CES5A: variants seen among roughly 807,000 people sequenced by gnomAD.
CES5A encodes the protein carboxylesterase 5A.
A neutral mutation model predicts 62.9 loss-of-function variants in CES5A; 67 were observed. That is an observed-to-expected ratio of 1.07 (90% CI 0.88 to 1.31). The LOEUF (loss-of-function observed/expected upper bound fraction) is 1.31. CES5A is among the 50% of genes most tolerant of loss of function. The pLI, the probability that CES5A is intolerant of heterozygous loss-of-function variation, is 0.00. For synonymous variants in CES5A, 296 were observed against 280.8 expected, an observed-to-expected ratio of 1.05 and a Z score of -0.54; for missense variants, 748 against 708.5, an observed-to-expected ratio of 1.06 and a Z score of -0.63.
At chr16:55,948,860 C>T (rs2034525179) in intron 2 of CES5A, among the ~76,000 whole-genome samples, 1 of 152,084 alleles carries the variant, frequency 6.6e-6, no homozygotes, top group Non-Finnish European at 1.5e-5. Context: ...AGTTTGAGGT[C>T]AGAAATGACT....
intron 2 of CES5A, among the ~76,000 whole-genome samples, chr16:55,941,087 G>T (rs1359559189): frequency 6.6e-6 from 1 of 151,994 alleles, no homozygotes; most frequent in African/African-American, 2.4e-5. Context: ...ATCAGATTGG[G>T]AGAAAGGCAT....
chr16:55,884,685 G>C (rs549586497), intron 1 of CES5A, among the ~76,000 whole-genome samples: 1 of 151,956 alleles, frequency 6.6e-6, no homozygotes, highest in Non-Finnish European at 1.5e-5. Context: ...TCAACCTCCT[G>C]TGCTCAAGTG....
intron 2 of CES5A, 99 bp downstream of exon 2, chr16:55,873,734 A>C: frequency 9.1e-7 from 1 of 1,100,656 alleles, no homozygotes; most frequent in Non-Finnish European, 1.3e-6. Flanking sequence ...CTCCTCCCCC[A>C]TCCATGCCAA....
intron 2 of CES5A, among the ~76,000 whole-genome samples, chr16:55,936,479 G>C (rs1349058664): frequency 2.0e-5 from 3 of 152,176 alleles, no homozygotes; most frequent in Non-Finnish European, 4.4e-5. Flanking sequence ...TGCAAAGTGG[G>C]ATCATCCTAT....
chr16:55,875,408 G>C, upstream of CES5A: 2 of 1,353,004 alleles, frequency 1.5e-6, no homozygotes, highest in Non-Finnish European at 1.9e-6. Context: ...AGACTTTCCT[G>C]TTCTGATTTA....
chr16:55,941,449 A>G (rs562900927), intron 2 of CES5A, among the ~76,000 whole-genome samples: 1 of 152,240 alleles, frequency 6.6e-6, no homozygotes, highest in African/African-American at 2.4e-5. Context: ...AGAAATGCTT[A>G]TGAAAGAGGT....
chr16:55,928,183 C>T (rs968337697), upstream of CES5A, among the ~76,000 whole-genome samples: 3 of 151,894 alleles, frequency 2.0e-5, no homozygotes, highest in Non-Finnish European at 4.4e-5. Context: ...GTGGAGCTTG[C>T]AGTGAGCCAA....
chr16:55,898,315 G>A (rs926564137), intron 1 of CES5A, among the ~76,000 whole-genome samples: 3 of 152,094 alleles, frequency 2.0e-5, no homozygotes, highest in Non-Finnish European at 2.9e-5. Flanking sequence ...TGTCTAGGGT[G>A]GGTAGATCTG....
intron 1 of CES5A, among the ~76,000 whole-genome samples, chr16:55,913,719 A>G (rs370000955): frequency 6.6e-6 from 1 of 152,160 alleles, no homozygotes; most frequent in Non-Finnish European, 1.5e-5. Flanking sequence ...AACCTCGCCA[A>G]CTCAGTCTTT....
intron 2 of CES5A, among the ~76,000 whole-genome samples, chr16:55,938,779 T>A (rs1480396671): frequency 3.3e-5 from 3 of 89,896 alleles, no homozygotes; most frequent in South Asian, 4.1e-4. Flanking sequence ...TATATATATA[T>A]ATATATATAT....
rs1336182427 is a variant in CES5A, at chr16:55,871,879, G to A, written c.279-116C>T. The stretch of plus-strand genomic sequence containing the variant: ...CCGTCTCCTCTGCCTGAGCAGAAGA[G>A]GCAGCTACCGGTACAAAGTCCAATC... On this transcript the variant is annotated intron_variant, in intron 2 of 12. Transcript: ENST00000290567. 3.9e-6 allele frequency: 4 copies of A among 1,034,282 alleles called. No individual in the cohort carries two copies. The Middle Eastern group carries it at 8.2e-4, about 212-fold the overall frequency. The allele number at this position is 1,034,282 out of a possible 1,614,324, so 64.1% of individuals were successfully genotyped here. A position where few individuals can be genotyped will look rare whatever the true frequency, so the allele number is the denominator to read the frequency against.
At chr16:55,902,559 G>A (rs534980133) in intron 1 of CES5A, among the ~76,000 whole-genome samples, 2 of 152,246 alleles carry the variant, frequency 1.3e-5, no homozygotes, top group East Asian at 3.9e-4. Flanking sequence ...TCCATGTCCT[G>A]ACCTACATCC....
intron 1 of CES5A, chr16:55,949,969 A>G (rs2034537150): frequency 4.4e-6 from 3 of 676,076 alleles, no homozygotes; most frequent in Non-Finnish European, 6.7e-6. Flanking sequence ...AAAATATAAT[A>G]TAACCAATAC....
At chr16:55,852,748 A>C (rs1461496657) in intron 10 of CES5A, 133 bp downstream of exon 10, 5 of 973,212 alleles carry the variant, frequency 5.1e-6, no homozygotes, top group African/African-American at 1.6e-5. Context: ...GTTTCCATCC[A>C]GGCACACCTG....
At chr16:55,864,944 C>T (rs1218780691) in intron 5 of CES5A, among the ~76,000 whole-genome samples, 1 of 152,030 alleles carries the variant, frequency 6.6e-6, no homozygotes, top group African/African-American at 2.4e-5. Flanking sequence ...CGGTGGCTCA[C>T]GCCTGTAATC....
chr16:55,856,478 C>G lies in CES5A; in HGVS notation c.1057-33G>C, dbSNP rs369050069. On this transcript the variant is annotated intron_variant, in intron 8 of 12. Coordinates refer to ENST00000290567, the MANE Select transcript of CES5A (RefSeq NM_001143685.2). ...GAGAAGCGTGCCCTCTGTAAGCCAT[C>G]TGGTCATGAGAAGGTAAACCCATCT... is the stretch of plus-strand genomic sequence containing the variant. 4 of 1,608,704 alleles carry G rather than the reference C, an allele frequency of 2.5e-6. No homozygotes were observed. In the African/African-American group the frequency reaches 4.0e-5, roughly 16 times the overall value.
At chr16:55,920,428 C>T (rs1022419951) in intron 1 of CES5A, among the ~76,000 whole-genome samples, 1 of 152,212 alleles carries the variant, frequency 6.6e-6, no homozygotes, top group Non-Finnish European at 1.5e-5. Context: ...ACAGCAGCAT[C>T]ACACTGCAGG....
chr16:55,928,025 C>G (rs184604447), upstream of CES5A, among the ~76,000 whole-genome samples: 2 of 152,126 alleles, frequency 1.3e-5, no homozygotes, highest in East Asian at 3.9e-4. Flanking sequence ...GGATGGATGA[C>G]GAGGTCAGGA....
At chr16:55,926,242 A>G (rs2034256483), upstream of CES5A, among the ~76,000 whole-genome samples, 1 of 152,244 alleles carries the variant, frequency 6.6e-6, no homozygotes, top group Non-Finnish European at 1.5e-5. Flanking sequence ...AAAACTATGT[A>G]CATCTATTAT....
Sources: allele counts gnomAD v4.1 joint callset (sites outside exome capture counted in the v4.1 genomes callset), GRCh38; gene constraint gnomAD v4.1.1; transcripts MANE v1.5; gene names NCBI Gene and HGNC (gene_info 2026-07-23, HGNC 2026-07-21).